The following FABP7 variants were observed in gnomAD, a reference collection of about 807,000 sequenced individuals.
FABP7 encodes the protein fatty acid binding protein 7.
FABP7 carries 13 observed loss-of-function variants against 14.2 expected under a neutral mutation model. The observed-to-expected ratio is 0.91, with a 90% confidence interval of 0.59 to 1.45. FABP7 has a LOEUF of 1.45. Among genes scored for constraint, FABP7 ranks in the 40% most tolerant of loss-of-function variants. The pLI, the probability that FABP7 is intolerant of heterozygous loss-of-function variation, is 0.00. For synonymous variants in FABP7, 49 were observed against 51.4 expected (o/e 0.95, Z 0.20); for missense variants, 149 against 157.6 (o/e 0.95, Z 0.29).
At chr6:122,777,296 G>A (rs775810556), upstream of FABP7, among the ~76,000 whole-genome samples, 10 of 152,074 alleles carry the variant, frequency 6.6e-5, no homozygotes, top group Non-Finnish European at 1.0e-4. Context: ...GAAATAGTTT[G>A]CCTAGATGAA....
At chr6:122,756,209 G>A in the FABP7 span, among the ~76,000 whole-genome samples, 3 of 152,236 alleles carry the variant, frequency 2.0e-5, no homozygotes, top group African/African-American at 7.2e-5. Flanking sequence ...TTGCCCTGGG[G>A]TAAGAACCAC....
At chr6:122,761,024 A>G in the FABP7 span, among the ~76,000 whole-genome samples, 1 of 152,182 alleles carries the variant, frequency 6.6e-6, no homozygotes, top group Non-Finnish European at 1.5e-5. Flanking sequence ...GTGAACTCAA[A>G]CATAACTATT....
chr6:122,783,697 T>G lies in FABP7; in HGVS notation c.349-20T>G. On this transcript the variant is annotated intron_variant, in intron 3 of 3. Transcript: ENST00000368444. Reference sequence around the variant, plus strand: ...GAAGTTCCTGTATAAAAAGATTTGATTATCTTTTGAACCTTGCAGACCCTT... The same window carrying G: ...GAAGTTCCTGTATAAAAAGATTTGAGTATCTTTTGAACCTTGCAGACCCTT... 1 of 1,581,078 alleles carries G rather than the reference T, an allele frequency of 6.3e-7. No individual in the cohort carries two copies. The highest frequency in any genetic ancestry group is 8.5e-7 in the Non-Finnish European group (1 of 1,170,034).
chr6:122,768,787 G>A, the FABP7 span, among the ~76,000 whole-genome samples: 1 of 151,986 alleles, frequency 6.6e-6, no homozygotes, highest in Non-Finnish European at 1.5e-5. Context: ...TATTATATTA[G>A]AAAATACTTT....
chr6:122,775,903 C>T (rs1415651989), upstream of FABP7, among the ~76,000 whole-genome samples: 1 of 151,952 alleles, frequency 6.6e-6, no homozygotes, highest in East Asian at 1.9e-4. Context: ...ATAGACATTT[C>T]TCAAAGAAGA....
intron 3 of FABP7, chr6:122,782,206 G>A (rs1387150263): frequency 1.0e-6 from 1 of 981,012 alleles, no homozygotes; most frequent in East Asian, 1.1e-4. Context: ...TGTAAAAGAG[G>A]ATTTATTAGT....
At chr6:122,757,713 C>G in the FABP7 span, among the ~76,000 whole-genome samples, 2 of 151,920 alleles carry the variant, frequency 1.3e-5, no homozygotes, top group Non-Finnish European at 2.9e-5. Context: ...AATTTGTACC[C>G]GCTAACCTTG....
chr6:122,750,953 T>C, the FABP7 span, among the ~76,000 whole-genome samples: 1 of 152,244 alleles, frequency 6.6e-6, no homozygotes, highest in African/African-American at 2.4e-5. Flanking sequence ...ATTATGCTGT[T>C]ATTTTCAGTC....
chr6:122,772,369 A>G, the FABP7 span, among the ~76,000 whole-genome samples: 1 of 152,160 alleles, frequency 6.6e-6, no homozygotes, highest in African/African-American at 2.4e-5. Flanking sequence ...AGAAAATAGT[A>G]GAGAAATGAG....
chr6:122,767,400 G>C, the FABP7 span, among the ~76,000 whole-genome samples: 1 of 152,064 alleles, frequency 6.6e-6, no homozygotes, highest in Non-Finnish European at 1.5e-5. Context: ...AAACCTAATT[G>C]ATTAGTGGAA....
intron 2 of FABP7, 67 bp from the exon 3 acceptor site, chr6:122,781,026 T>G: frequency 6.6e-7 from 1 of 1,515,106 alleles, no homozygotes; most frequent in Non-Finnish European, 8.9e-7. Context: ...AAAAATCACA[T>G]CGTCTTCCGT....
At chr6:122,754,035 G>C in the FABP7 span, among the ~76,000 whole-genome samples, 257 of 152,218 alleles carry the variant, frequency 1.7e-3, 1 homozygote, top group African/African-American at 6.1e-3. Flanking sequence ...TGGAAAGTTA[G>C]GGTTTTCCTT....
the FABP7 span, among the ~76,000 whole-genome samples, chr6:122,766,286 A>T: frequency 1.3e-5 from 2 of 152,130 alleles, no homozygotes; most frequent in African/African-American, 4.8e-5. Flanking sequence ...AGCAACTTTT[A>T]TGTAGGTACT....
the FABP7 span, among the ~76,000 whole-genome samples, chr6:122,759,247 T>C: frequency 6.6e-6 from 1 of 152,192 alleles, no homozygotes; most frequent in Non-Finnish European, 1.5e-5. Flanking sequence ...AATTCTAAAC[T>C]GTTCTCGGTA....
At chr6:122,759,174 A>G in the FABP7 span, among the ~76,000 whole-genome samples, 1 of 152,188 alleles carries the variant, frequency 6.6e-6, no homozygotes, top group Non-Finnish European at 1.5e-5. Flanking sequence ...AGAGTATGAC[A>G]GTACAGAGCC....
the FABP7 span, among the ~76,000 whole-genome samples, chr6:122,772,694 C>T: frequency 3.9e-5 from 6 of 152,266 alleles, no homozygotes; most frequent in East Asian, 3.9e-4. Flanking sequence ...GCTGGGATTA[C>T]GGGCATGAGC....
At chr6:122,767,900 G>A in the FABP7 span, among the ~76,000 whole-genome samples, 1 of 151,848 alleles carries the variant, frequency 6.6e-6, no homozygotes. Context: ...AATAAATTTG[G>A]CAATATTAAA....
the FABP7 span, among the ~76,000 whole-genome samples, chr6:122,765,230 G>A: frequency 6.6e-6 from 1 of 152,068 alleles, no homozygotes; most frequent in African/African-American, 2.4e-5. Flanking sequence ...CTGATTGAAT[G>A]TTTATTGGAT....
At chr6:122,764,291 G>A in the FABP7 span, among the ~76,000 whole-genome samples, 6 of 151,906 alleles carry the variant, frequency 3.9e-5, no homozygotes, top group Admixed American at 2.6e-4. Flanking sequence ...TGCAAGGACA[G>A]AAAACCAAAC....
Sources: gnomAD v4.1 joint callset for allele counts (sites outside exome capture counted in the v4.1 genomes callset) on GRCh38, gnomAD v4.1.1 for gene constraint, MANE v1.5 for transcripts, NCBI Gene and HGNC (gene_info 2026-07-23, HGNC 2026-07-21) for gene names.